MGAT5: variants seen among roughly 807,000 people sequenced by gnomAD.
The protein encoded by MGAT5 is alpha-1,6-mannosylglycoprotein 6-beta-N-acetylglucosaminyltransferase A.
In MGAT5, 30 loss-of-function variants were observed where a neutral mutation model predicts 94.3. The ratio of observed to expected loss-of-function variants is 0.32; its 90% CI spans 0.24 to 0.43. The LOEUF is 0.43. MGAT5 is among the 20% of genes least tolerant of loss of function. The pLI is 1.00. For missense variants in MGAT5, 691 were observed against 905.5 expected (o/e 0.76, Z 3.04); for synonymous variants, 310 against 322.9 (o/e 0.96, Z 0.43).
intron 1 of MGAT5, among the ~76,000 whole-genome samples, chr2:134,216,423 G>A (rs1292986891): frequency 1.3e-5 from 2 of 152,172 alleles, no homozygotes; most frequent in African/African-American, 4.8e-5. Context: ...GAATGAAGGT[G>A]AAGTAGTTTA....
intron 1 of MGAT5, among the ~76,000 whole-genome samples, chr2:134,173,779 G>A (rs1688332530): frequency 6.6e-6 from 1 of 152,206 alleles, no homozygotes; most frequent in Non-Finnish European, 1.5e-5. Flanking sequence ...AGACTTAACT[G>A]CCATTGACAT....
chr2:134,385,307 A>G (rs112691250), intron 10 of MGAT5, among the ~76,000 whole-genome samples: 7 of 152,318 alleles, frequency 4.6e-5, no homozygotes, highest in African/African-American at 9.6e-5. Flanking sequence ...AAGTACTGCT[A>G]TGCATTAAAC....
At chr2:134,132,896 C>G (rs935451831) in intron 1 of MGAT5, among the ~76,000 whole-genome samples, 2 of 152,200 alleles carry the variant, frequency 1.3e-5, no homozygotes, top group Admixed American at 6.5e-5. Flanking sequence ...ACATTACACC[C>G]GATTGGCTTA....
intron 1 of MGAT5, among the ~76,000 whole-genome samples, chr2:134,205,648 G>A (rs532745996): frequency 6.6e-6 from 1 of 152,282 alleles, no homozygotes; most frequent in South Asian, 2.1e-4. Flanking sequence ...TTTGGATCTG[G>A]ACCTTGTTCA....
intron 1 of MGAT5, among the ~76,000 whole-genome samples, chr2:134,151,102 C>A (rs539218180): frequency 6.6e-6 from 1 of 152,240 alleles, no homozygotes; most frequent in Admixed American, 6.5e-5. Flanking sequence ...CATAATTATG[C>A]AGCCCATAGA....
At chr2:134,164,839 C>G in intron 1 of MGAT5, among the ~76,000 whole-genome samples, 1 of 131,876 alleles carries the variant, frequency 7.6e-6, no homozygotes, top group East Asian at 2.2e-4. Flanking sequence ...ACACCCGTCT[C>G]AAAAAAAAAA....
chr2:134,438,507 A>G (rs765283720), intron 14 of MGAT5, among the ~76,000 whole-genome samples: 5 of 152,162 alleles, frequency 3.3e-5, no homozygotes, highest in South Asian at 2.1e-4. Flanking sequence ...AGCTGTCCCA[A>G]TGGGATGGGC....
At chr2:134,120,547 G>T (rs1396043484) in intron 1 of MGAT5, among the ~76,000 whole-genome samples, 1 of 151,948 alleles carries the variant, frequency 6.6e-6, no homozygotes, top group Middle Eastern at 3.2e-3. Flanking sequence ...GCCCCGGGCA[G>T]CCCCTCCCAG....
At chr2:134,286,554 C>T (rs1215807605) in intron 2 of MGAT5, among the ~76,000 whole-genome samples, 1 of 152,064 alleles carries the variant, frequency 6.6e-6, no homozygotes, top group Non-Finnish European at 1.5e-5. Flanking sequence ...GCCTCAGCCT[C>T]CCAAGTAGCT....
At chr2:134,337,739 T>G (rs1688410001) in intron 5 of MGAT5, among the ~76,000 whole-genome samples, 1 of 152,184 alleles carries the variant, frequency 6.6e-6, no homozygotes, top group South Asian at 2.1e-4. Flanking sequence ...CTCTTTAAAT[T>G]CCTTAGAAAA....
Position 134,254,497 on chromosome 2 carries a change from T to C in MGAT5, c.94T>C (p.Phe32Leu). The C allele has an allele frequency of 3.1e-6, 5 of 1,614,190 alleles. No individual in the cohort carries two copies. Among genetic ancestry groups the C allele is most frequent in the Non-Finnish European group, 4.2e-6 (5 of 1,180,022 alleles). ...CATTTGGGGTATGATGCTTCTGCAC[T>C]TTACCATCCAGCAGCGAACTCAGCC... ...GFIWGMMLLH[F>L]TIQQRTQPES... Residue 32 changes from phenylalanine to leucine, a missense_variant, in exon 1 of 16, where the codon TTT becomes CTT. Around this residue, in one of 4 missense-constraint regions of MGAT5, gnomAD observed 307 missense variants for 335.4 expected, o/e 0.92. Coordinates refer to ENST00000281923, the MANE Select transcript of MGAT5 (RefSeq NM_002410.5).
chr2:134,217,723 G>C (rs907293466), intron 1 of MGAT5, among the ~76,000 whole-genome samples: 1 of 152,114 alleles, frequency 6.6e-6, no homozygotes, highest in Non-Finnish European at 1.5e-5. Flanking sequence ...GTGGATTTCT[G>C]ACTTACAGTT....
intron 10 of MGAT5, among the ~76,000 whole-genome samples, chr2:134,397,807 G>C (rs141969084): frequency 6.6e-6 from 1 of 152,288 alleles, no homozygotes; most frequent in Non-Finnish European, 1.5e-5. Context: ...GGAGGGGGCT[G>C]GCAGAGCAAA....
chr2:134,333,040 A>T (rs1414186986), intron 4 of MGAT5, among the ~76,000 whole-genome samples: 1 of 152,162 alleles, frequency 6.6e-6, no homozygotes, highest in Non-Finnish European at 1.5e-5. Flanking sequence ...TTCCTCAGGG[A>T]TCTAGAACTA....
At chr2:134,141,747 G>T (rs1686665971) in intron 1 of MGAT5, among the ~76,000 whole-genome samples, 1 of 152,198 alleles carries the variant, frequency 6.6e-6, no homozygotes, top group Admixed American at 6.5e-5. Context: ...GACATTGCCA[G>T]CAGGGGCCAT....
intron 1 of MGAT5, among the ~76,000 whole-genome samples, chr2:134,152,464 T>C (rs1471405615): frequency 6.6e-6 from 1 of 151,974 alleles, no homozygotes; most frequent in Non-Finnish European, 1.5e-5. Context: ...TCCACTGCCA[T>C]GGGACCTCAC....
At chr2:134,375,830 G>A (rs773179714) in intron 10 of MGAT5, among the ~76,000 whole-genome samples, 3 of 152,148 alleles carry the variant, frequency 2.0e-5, no homozygotes, top group African/African-American at 7.2e-5. Flanking sequence ...AGCACATCTC[G>A]TCAACTGGAG....
At chr2:134,120,704 G>T (rs1423517408) in intron 1 of MGAT5, among the ~76,000 whole-genome samples, 1 of 151,894 alleles carries the variant, frequency 6.6e-6, no homozygotes, top group Non-Finnish European at 1.5e-5. Context: ...CCCGGTGGGG[G>T]TCACGCCGCA....
intron 1 of MGAT5, among the ~76,000 whole-genome samples, chr2:134,238,443 A>G (rs531020798): frequency 6.6e-6 from 1 of 152,340 alleles, no homozygotes; most frequent in Non-Finnish European, 1.5e-5. Flanking sequence ...GCAATGTGAT[A>G]GCAAATGACA....
Sources: gnomAD v4.1 joint callset for allele counts (sites outside exome capture counted in the v4.1 genomes callset) on GRCh38, gnomAD v4.1.1 for gene constraint, gnomAD v4.1.1 regional missense constraint, MANE v1.5 for transcripts, NCBI Gene and HGNC (gene_info 2026-07-23, HGNC 2026-07-21) for gene names.